Variants in C1orf185 observed in about 807,000 individuals in gnomAD.
C1orf185 encodes chromosome 1 open reading frame 185.
In C1orf185, 13 loss-of-function variants were observed where a neutral mutation model predicts 16.1. That is an observed-to-expected ratio of 0.81 (90% confidence interval 0.53 to 1.28). The LOEUF is 1.28. C1orf185 is among the 50% of genes most tolerant of loss of function. The pLI is 0.00. For missense variants in C1orf185, 220 were observed against 225.2 expected, an observed-to-expected ratio of 0.98 and a Z score of 0.15; for synonymous variants, 80 against 76.9, an observed-to-expected ratio of 1.04 and a Z score of -0.21.
At chr1:51,112,981 G>A (rs1456579144) in intron 2 of C1orf185, among the ~76,000 whole-genome samples, 1 of 151,740 alleles carries the variant, frequency 6.6e-6, no homozygotes, top group African/African-American at 2.4e-5. Flanking sequence ...CACGACACCC[G>A]CCTGTTTTTG....
rs961367687 is a variant in C1orf185, at chr1:51,145,833, G to C, written c.295+73G>C. On this transcript the variant is annotated intron_variant, in intron 4 of 4. Transcript: ENST00000371759. ...CAATTCACATCTTGAGAAATCAAGAGGCTATCCTAAATGTCATCTAAATAT... is the reference window on the plus strand; with the variant it reads ...CAATTCACATCTTGAGAAATCAAGACGCTATCCTAAATGTCATCTAAATAT... 3 of 770,122 alleles carry C rather than the reference G, an allele frequency of 3.9e-6. No homozygotes were observed. The African/African-American group carries it at 5.5e-5, about 14-fold the overall frequency. The allele number at this position is 770,122 out of a possible 1,614,324, so 47.7% of individuals were successfully genotyped here.
At chr1:51,109,480 CT>C (rs1419107350) in intron 1 of C1orf185, among the ~76,000 whole-genome samples, 1 of 150,254 alleles carries the variant, frequency 6.7e-6, no homozygotes, top group African/African-American at 2.4e-5. Context: ...TTCATAAAAT[CT>C]TTTCTCAAAC....
downstream of C1orf185, among the ~76,000 whole-genome samples, chr1:51,148,856 G>T (rs1457332316): frequency 1.3e-5 from 2 of 152,170 alleles, no homozygotes; most frequent in Admixed American, 1.3e-4. Flanking sequence ...GAGCCCTGAA[G>T]GTTGAGGCTG....
At chr1:51,125,543 G>A (rs1043440776) in intron 3 of C1orf185, among the ~76,000 whole-genome samples, 4 of 152,182 alleles carry the variant, frequency 2.6e-5, no homozygotes, top group African/African-American at 9.6e-5. Flanking sequence ...TTGTAGGAAT[G>A]AGTCACCATG....
chr1:51,149,966 C>T (rs1646422628), downstream of C1orf185, among the ~76,000 whole-genome samples: 1 of 152,102 alleles, frequency 6.6e-6, no homozygotes, highest in South Asian at 2.1e-4. Flanking sequence ...TATTAATGGC[C>T]ACAGTCCCGA....
chr1:51,151,324 T>C (rs1193936624), downstream of C1orf185, among the ~76,000 whole-genome samples: 1 of 152,116 alleles, frequency 6.6e-6, no homozygotes. Flanking sequence ...GGGTAAGAGA[T>C]TTATTATTGG....
intron 3 of C1orf185, among the ~76,000 whole-genome samples, chr1:51,138,821 G>A (rs1015116070): frequency 1.1e-4 from 17 of 152,124 alleles, no homozygotes; most frequent in African/African-American, 4.1e-4. Flanking sequence ...CCAACCAGCT[G>A]GGATTACAGG....
chr1:51,129,801 A>G (rs573550358), intron 3 of C1orf185: 1 of 152,278 alleles, frequency 6.6e-6, no homozygotes, highest in East Asian at 1.9e-4. Context: ...GCAAGAGCGC[A>G]CTTTCACATC....
chr1:51,121,445 G>A (rs1174023267), intron 3 of C1orf185, among the ~76,000 whole-genome samples: 2 of 152,124 alleles, frequency 1.3e-5, no homozygotes, highest in African/African-American at 4.8e-5. Context: ...AAATGACAAA[G>A]TTTCCTTCTT....
intron 3 of C1orf185, among the ~76,000 whole-genome samples, chr1:51,142,321 T>C (rs909230578): frequency 6.6e-6 from 1 of 152,204 alleles, no homozygotes; most frequent in Non-Finnish European, 1.5e-5. Context: ...TTTCATGACA[T>C]TGGCATTTTT....
At chr1:51,148,612 C>T (rs1646415680), downstream of C1orf185, among the ~76,000 whole-genome samples, 2 of 151,854 alleles carry the variant, frequency 1.3e-5, no homozygotes, top group Admixed American at 6.6e-5. Context: ...TTTGCTCCTG[C>T]AAGATAGCTT....
At chr1:51,133,857 T>A (rs1447062689) in intron 3 of C1orf185, among the ~76,000 whole-genome samples, 1 of 152,198 alleles carries the variant, frequency 6.6e-6, no homozygotes, top group Non-Finnish European at 1.5e-5. Context: ...CCTAGCACTT[T>A]GGGAGGCCAA....
intron 1 of C1orf185, among the ~76,000 whole-genome samples, chr1:51,103,426 C>CACACACACAT (rs772627843): frequency 6.1e-4 from 91 of 148,146 alleles, no homozygotes; most frequent in Admixed American, 1.1e-3. Flanking sequence ...CACACACACA[C>CACACACACAT]ACACACACAC....
chr1:51,127,844 C>A (rs1294180287), intron 3 of C1orf185, among the ~76,000 whole-genome samples: 6 of 148,546 alleles, frequency 4.0e-5, no homozygotes, highest in Admixed American at 1.3e-4. Context: ...TAAACAACCA[C>A]ATACTTTTAG....
intron 3 of C1orf185, among the ~76,000 whole-genome samples, chr1:51,145,117 T>C (rs1021835251): frequency 6.6e-6 from 1 of 152,088 alleles, no homozygotes; most frequent in African/African-American, 2.4e-5. Flanking sequence ...CTGGAATGTA[T>C]TGTTTAAGCA....
At chr1:51,119,577 G>A (rs1646182998) in intron 3 of C1orf185, among the ~76,000 whole-genome samples, 1 of 152,210 alleles carries the variant, frequency 6.6e-6, no homozygotes, top group African/African-American at 2.4e-5. Flanking sequence ...AGGATTGCTT[G>A]AGCCCAGGAA....
chr1:51,127,527 C>A (rs1646250652), intron 3 of C1orf185, among the ~76,000 whole-genome samples: 1 of 152,186 alleles, frequency 6.6e-6, no homozygotes, highest in Non-Finnish European at 1.5e-5. Flanking sequence ...CTCAGGTGAT[C>A]CACCTGCCTT....
intron 3 of C1orf185, among the ~76,000 whole-genome samples, chr1:51,123,821 G>A (rs189445948): frequency 6.6e-6 from 1 of 151,884 alleles, no homozygotes; most frequent in East Asian, 1.9e-4. Context: ...GTGTCTGTTC[G>A]ATCTTTCATT....
At chr1:51,103,440 CACACACACAA>C (rs1388540047) in intron 1 of C1orf185, among the ~76,000 whole-genome samples, 2 of 150,430 alleles carry the variant, frequency 1.3e-5, no homozygotes, top group Admixed American at 6.6e-5. Context: ...CACACACACA[CACACACACAA>C]AAACCACGAA....
Sources: allele counts gnomAD v4.1 joint callset (sites outside exome capture counted in the v4.1 genomes callset), GRCh38; gene constraint gnomAD v4.1.1; transcripts MANE v1.5; gene names NCBI Gene and HGNC (gene_info 2026-07-23, HGNC 2026-07-21).